Variants in SPIDR observed in about 807,000 individuals in gnomAD.
SPIDR encodes scaffold protein involved in DNA repair.
In SPIDR, 93 loss-of-function variants were observed where a neutral mutation model predicts 104.6. The observed-to-expected ratio is 0.89, with a 90% CI of 0.75 to 1.06. The LOEUF is 1.06. Ranked by LOEUF, SPIDR falls within the 50% of genes least tolerant of loss-of-function variation. The pLI is 0.00. For synonymous variants in SPIDR, 431 were observed against 416.9 expected (o/e 1.03, Z -0.41); for missense variants, 1,154 against 1,111.2 (o/e 1.04, Z -0.55).
intron 5 of SPIDR, among the ~76,000 whole-genome samples, chr8:47,379,909 G>C (rs1282046159): frequency 6.6e-6 from 1 of 152,136 alleles, no homozygotes; most frequent in Non-Finnish European, 1.5e-5. Context: ...TATTGCTTTT[G>C]TTATCCTAGA....
chr8:47,360,581 G>C (rs1264130164), intron 5 of SPIDR, among the ~76,000 whole-genome samples: 2 of 152,156 alleles, frequency 1.3e-5, no homozygotes, highest in African/African-American at 4.8e-5. Context: ...TGCCATGGCT[G>C]AGCACCGGGG....
At chr8:47,604,159 A>C (rs1400137237) in intron 10 of SPIDR, among the ~76,000 whole-genome samples, 1 of 152,242 alleles carries the variant, frequency 6.6e-6, no homozygotes, top group Non-Finnish European at 1.5e-5. Flanking sequence ...CACAATGGAG[A>C]ATGGACATAA....
At chr8:47,538,208 G>C (rs2087309838) in intron 8 of SPIDR, among the ~76,000 whole-genome samples, 1 of 152,020 alleles carries the variant, frequency 6.6e-6, no homozygotes, top group African/African-American at 2.4e-5. Flanking sequence ...GGAGTTCCCA[G>C]AGGTTGCTGA....
chr8:47,416,604 A>G (rs1255033088), intron 7 of SPIDR, among the ~76,000 whole-genome samples: 1 of 152,084 alleles, frequency 6.6e-6, no homozygotes, highest in African/African-American at 2.4e-5. Context: ...AAGGCATAAG[A>G]ATACCAAATA....
At chr8:47,353,299 C>T (rs1699814186) in intron 5 of SPIDR, among the ~76,000 whole-genome samples, 1 of 152,138 alleles carries the variant, frequency 6.6e-6, no homozygotes, top group Admixed American at 6.6e-5. Flanking sequence ...ATTAGCAGGA[C>T]CTGTGTGAGA....
In SPIDR at chr8:47,599,013, G is replaced by T. The variant is rs374317684; in HGVS notation, c.1361G>T (p.Arg454Leu). Residue 454 changes from arginine to leucine, a missense_variant, in exon 10 of 20, where the codon CGC becomes CTC. Physicochemically the swap from Arg to Leu is moderately radical, Grantham distance 102 (BLOSUM62 -2). Coordinates refer to ENST00000297423, the MANE Select transcript of SPIDR (RefSeq NM_001080394.4). ...WTHGHKEAKQ[R>L]IPTSTPLRDS... ...CATGGGCACAAAGAAGCAAAACAGC[G>T]CATCCCAACCAGCACTCCCCTGAGG... 1 of 1,613,260 alleles carries T rather than the reference G, an allele frequency of 6.2e-7. No individual in the cohort carries two copies. The highest frequency in any genetic ancestry group is 1.3e-5 in the African/African-American group (1 of 74,914).
At chr8:47,290,162 C>G (rs1014281926) in intron 3 of SPIDR, among the ~76,000 whole-genome samples, 4 of 152,080 alleles carry the variant, frequency 2.6e-5, no homozygotes, top group Admixed American at 6.5e-5. Context: ...GCCTCAGCCC[C>G]CCCTGAGTAG....
chr8:47,713,667 GTGCT>G (rs2082179360), intron 16 of SPIDR, 26 bp downstream of exon 16: 1 of 1,612,572 alleles, frequency 6.2e-7, no homozygotes, highest in Non-Finnish European at 8.5e-7. Context: ...ACAGGAATTG[GTGCT>G]TATACTTTCT....
At chr8:47,285,307 G>C (rs2038624751) in intron 3 of SPIDR, among the ~76,000 whole-genome samples, 1 of 152,250 alleles carries the variant, frequency 6.6e-6, no homozygotes, top group South Asian at 2.1e-4. Flanking sequence ...AATAAAATTT[G>C]CCAAAATGTT....
intron 8 of SPIDR, among the ~76,000 whole-genome samples, chr8:47,459,538 A>G (rs1368738592): frequency 6.6e-6 from 1 of 152,010 alleles, no homozygotes; most frequent in Admixed American, 6.6e-5. Flanking sequence ...TTTCTTGGTT[A>G]ATCTTGCTAA....
At chr8:47,277,343 ATGTTATGTTATGTTATG>A (rs2036696519) in intron 1 of SPIDR, among the ~76,000 whole-genome samples, 1 of 146,780 alleles carries the variant, frequency 6.8e-6, no homozygotes, top group Non-Finnish European at 1.5e-5. Flanking sequence ...ATGTTATGTT[ATGTTATGTTATGTTATG>A]TTATGTTATG....
chr8:47,425,414 G>A (rs1041051351), intron 7 of SPIDR, among the ~76,000 whole-genome samples: 1 of 152,100 alleles, frequency 6.6e-6, no homozygotes, highest in African/African-American at 2.4e-5. Context: ...AGAGAAAATC[G>A]GGACAGGTTA....
chr8:47,283,898 T>C (rs1026730915), intron 2 of SPIDR, 130 bp from the exon 3 acceptor site: 1 of 611,370 alleles, frequency 1.6e-6, no homozygotes, highest in Admixed American at 2.8e-5. Flanking sequence ...ATTACTGAAA[T>C]TGGTGAATTG....
At chr8:47,638,532 A>G (rs1563389130) in intron 10 of SPIDR, among the ~76,000 whole-genome samples, 1 of 152,184 alleles carries the variant, frequency 6.6e-6, no homozygotes, top group African/African-American at 2.4e-5. Context: ...CGGTTGTGGA[A>G]TGTTTGATAT....
At chr8:47,570,542 A>G (rs2058385628) in intron 8 of SPIDR, among the ~76,000 whole-genome samples, 1 of 152,208 alleles carries the variant, frequency 6.6e-6, no homozygotes, top group South Asian at 2.1e-4. Context: ...ATAAGCAATA[A>G]AAGGAAAAAA....
chr8:47,633,162 C>CATTT (rs2067322530), intron 10 of SPIDR, among the ~76,000 whole-genome samples: 1 of 152,188 alleles, frequency 6.6e-6, no homozygotes, highest in African/African-American at 2.4e-5. Flanking sequence ...GAGGCATGAG[C>CATTT]ATTTATCTGT....
Position 47,486,231 on chromosome 8 carries a change from T to C in SPIDR, c.1097+45689T>C, listed in dbSNP as rs144436612. On this transcript the variant is annotated intron_variant, in intron 8 of 19. Transcript: ENST00000297423. ...GCACAAGCTTCAGAAGCCTATTTGATCAACTGAAAGAAAAGGTATCAGAGA... is the reference window on the plus strand; with the variant it reads ...GCACAAGCTTCAGAAGCCTATTTGACCAACTGAAAGAAAAGGTATCAGAGA... Among the ~76,000 whole-genome samples the C allele has an allele frequency of 2.8e-3, 422 of 152,168 alleles. 1 individual carries two copies. Among genetic ancestry groups the C allele is most frequent in the African/African-American group, 9.9e-3 (412 of 41,500 alleles).
intron 5 of SPIDR, among the ~76,000 whole-genome samples, chr8:47,295,393 C>T (rs2040660841): frequency 6.6e-6 from 1 of 152,164 alleles, no homozygotes; most frequent in African/African-American, 2.4e-5. Flanking sequence ...TATTAGATTA[C>T]TAAAGCATAT....
chr8:47,404,754 G>A (rs1230112772), intron 6 of SPIDR, among the ~76,000 whole-genome samples: 1 of 152,186 alleles, frequency 6.6e-6, no homozygotes, highest in Non-Finnish European at 1.5e-5. Flanking sequence ...CACTGTTGGT[G>A]GGACTGTAAA....
Sources: gnomAD v4.1 joint callset for allele counts (sites outside exome capture counted in the v4.1 genomes callset) on GRCh38, gnomAD v4.1.1 for gene constraint, MANE v1.5 for transcripts, NCBI Gene and HGNC (gene_info 2026-07-23, HGNC 2026-07-21) for gene names.